The following ZHX3 variants were observed in gnomAD, a reference collection of about 807,000 sequenced individuals.
ZHX3 encodes zinc fingers and homeoboxes 3, also known as zinc fingers and homeoboxes protein 3.
In ZHX3, 20 loss-of-function variants were observed where a neutral mutation model predicts 64.5. The ratio of observed to expected loss-of-function variants is 0.31; its 90% CI spans 0.22 to 0.45. The LOEUF (loss-of-function observed/expected upper bound fraction) is 0.45. Ranked by LOEUF, ZHX3 falls within the 20% of genes least tolerant of loss-of-function variation. The pLI is 1.00. For missense variants in ZHX3, 1,041 were observed against 1,195.8 expected (o/e 0.87, Z 1.91); for synonymous variants, 423 against 461.6 (o/e 0.92, Z 1.07).
Position 41,185,006 on chromosome 20 carries a change from T to C in ZHX3, c.*185A>G. ...GAACCCCATCTTGCTTGCTGCTTGC[T>C]TGGTGGTGGGCAGGCCGAGGGTAGC... On this transcript the variant is annotated 3_prime_UTR_variant, in exon 4 of 4. Coordinates refer to ENST00000683867, the MANE Select transcript of ZHX3 (RefSeq NM_001384317.1). This position sits in a 1 kb window ranked among gnomAD's most constrained non-coding sequence, Gnocchi z 5.0. 6.4e-7 allele frequency: 1 copy of C among 1,551,286 alleles called. No individual in the cohort carries two copies. The highest frequency in any genetic ancestry group is 2.0e-5 in the Admixed American group (1 of 51,006).
Position 41,219,217 on chromosome 20 carries a change from C to T in ZHX3, c.-150-14151G>A, listed in dbSNP as rs1425678176. Among the ~76,000 whole-genome samples the T allele has an allele frequency of 6.6e-6, 1 of 152,168 alleles. No homozygotes were observed. Among genetic ancestry groups the T allele is most frequent in the East Asian group, 1.9e-4 (1 of 5,192 alleles). The stretch of plus-strand genomic sequence containing the variant: ...GTGCTGGGATTACAAGCGTCAGCCA[C>T]CGCACCTGGCCTTCCCCCTCAACTC... On this transcript the variant is annotated intron_variant, in intron 2 of 3. Coordinates refer to ENST00000683867, the MANE Select transcript of ZHX3 (RefSeq NM_001384317.1). This position sits in a 1 kb window ranked among gnomAD's most constrained non-coding sequence, Gnocchi z 5.0.
chr20:41,208,494 C>T lies in ZHX3; in HGVS notation c.-150-3428G>A, dbSNP rs373370262. 2.8e-3 allele frequency among the ~76,000 whole-genome samples: 432 copies of T among 152,274 alleles called. 2 individuals carry two copies. The highest frequency in any genetic ancestry group is 0.015 in the South Asian group (73 of 4,818). ...AGCACATCAAAAAGCTTATCTACCACGACCAAGTTGGCTTCATACCTGGGA... is the reference window on the plus strand; with the variant it reads ...AGCACATCAAAAAGCTTATCTACCATGACCAAGTTGGCTTCATACCTGGGA... On this transcript the variant is annotated intron_variant, in intron 2 of 3. Coordinates refer to ENST00000683867, the MANE Select transcript of ZHX3 (RefSeq NM_001384317.1).
chr20:41,252,800 A>G (rs1422846057), intron 2 of ZHX3, among the ~76,000 whole-genome samples: 1 of 152,202 alleles, frequency 6.6e-6, no homozygotes, highest in Non-Finnish European at 1.5e-5. Flanking sequence ...TAATTCTTTT[A>G]TAAAATGTTA....
intron 2 of ZHX3, among the ~76,000 whole-genome samples, chr20:41,247,363 G>A (rs151305132): frequency 4.3e-4 from 65 of 152,330 alleles, no homozygotes; most frequent in African/African-American, 1.4e-3. Flanking sequence ...ATGAACCTGG[G>A]TTCTAATCTG....
rs1252259143 is a variant in ZHX3, at chr20:41,234,035, C to A, written c.-150-28969G>T. 2.0e-5 allele frequency among the ~76,000 whole-genome samples: 3 copies of A among 152,182 alleles called. No individual in the cohort carries two copies. In the East Asian group the frequency reaches 5.8e-4, roughly 29 times the overall value. ...AACGCAGTACAGACTAGGCACTGAT[C>A]TGATGGAAGCGAGACAGGCTGGAGT... On this transcript the variant is annotated intron_variant, in intron 2 of 3. Transcript: ENST00000683867.
Position 41,201,969 on chromosome 20 carries a change from GC to G in ZHX3, c.2860+87del. On this transcript the variant is annotated intron_variant, in intron 3 of 3. Transcript: ENST00000683867. The surrounding 1 kb of genome is among the most constrained non-coding windows in gnomAD (Gnocchi z 5.0). ...CCAGGCAGCCTTAGAGACAGCAGAT[GC>G]CCCTGTGCAGTAAATTCAGTGCCCA... 6.9e-7 allele frequency: 1 copy of G among 1,442,934 alleles called. No individual in the cohort carries two copies. The highest frequency in any genetic ancestry group is 1.4e-5 in the African/African-American group (1 of 69,966). 89.4% of individuals were successfully genotyped at this position (1,442,934 alleles called of 1,614,324 possible). A position where few individuals can be genotyped will look rare whatever the true frequency, so the allele number is the denominator to read the frequency against.
chr20:41,296,232 TAAAAAA>T (rs57987896), intron 1 of ZHX3, among the ~76,000 whole-genome samples: 1,156 of 72,130 alleles, frequency 0.016, no homozygotes, highest in Non-Finnish European at 0.02. Flanking sequence ...GTTCATAAAG[TAAAAAA>T]AAAAAAAAAA....
intron 1 of ZHX3, among the ~76,000 whole-genome samples, chr20:41,292,946 T>C (rs571496863): frequency 6.6e-6 from 1 of 152,198 alleles, no homozygotes; most frequent in Non-Finnish European, 1.5e-5. Context: ...CAATTGAACA[T>C]ACACAGAGGT....
intron 2 of ZHX3, among the ~76,000 whole-genome samples, chr20:41,263,155 T>C (rs893082207): frequency 3.3e-5 from 5 of 152,096 alleles, no homozygotes; most frequent in Admixed American, 2.6e-4. Context: ...AATTCCCATA[T>C]AAGATATAGA....
At chr20:41,266,169 ATTAATT>A (rs753410933) in intron 2 of ZHX3, among the ~76,000 whole-genome samples, 24 of 152,210 alleles carry the variant, frequency 1.6e-4, no homozygotes, top group Non-Finnish European at 1.6e-4. Flanking sequence ...AAAGTGAAAG[ATTAATT>A]TTAAAAGACT....
At chr20:41,214,288 C>T (rs896380996) in intron 2 of ZHX3, among the ~76,000 whole-genome samples, 6 of 152,144 alleles carry the variant, frequency 3.9e-5, no homozygotes, top group African/African-American at 1.4e-4. Context: ...CCCCTCATTT[C>T]ACTCATAATA....
In ZHX3 at chr20:41,224,478, G is replaced by A. The variant is rs1311227977; in HGVS notation, c.-150-19412C>T. On this transcript the variant is annotated intron_variant, in intron 2 of 3. Transcript: ENST00000683867. The surrounding 1 kb of genome is among the most constrained non-coding windows in gnomAD (Gnocchi z 5.2). ...CTCACAAAATGTGGCAATTAGAACT[G>A]AACAAAGCATTCAAGATGTAGCCCA... 6.6e-6 allele frequency among the ~76,000 whole-genome samples: 1 copy of A among 152,152 alleles called. No homozygotes were observed. The highest frequency in any genetic ancestry group is 2.4e-5 in the African/African-American group (1 of 41,434).
chr20:41,305,051 T>C (rs539087801), intron 1 of ZHX3, among the ~76,000 whole-genome samples: 35 of 152,368 alleles, frequency 2.3e-4, no homozygotes, highest in South Asian at 1.7e-3. Context: ...CATTCAATAC[T>C]ATATTTGAAT....
intron 2 of ZHX3, among the ~76,000 whole-genome samples, chr20:41,209,286 T>C (rs2038973178): frequency 6.6e-6 from 1 of 152,268 alleles, no homozygotes; most frequent in Non-Finnish European, 1.5e-5. Context: ...ATAGATTCAA[T>C]GCCATCCCCA....
At chr20:41,230,868 T>C (rs2040562996) in intron 2 of ZHX3, among the ~76,000 whole-genome samples, 1 of 152,200 alleles carries the variant, frequency 6.6e-6, no homozygotes, top group Non-Finnish European at 1.5e-5. Flanking sequence ...CACTGACACA[T>C]CATTATCACC....
At chr20:41,300,323 A>C (rs1456172408) in intron 1 of ZHX3, among the ~76,000 whole-genome samples, 1 of 152,222 alleles carries the variant, frequency 6.6e-6, no homozygotes, top group Non-Finnish European at 1.5e-5. Context: ...AAATTGAGAC[A>C]CTGATTATTT....
chr20:41,224,276 G>A lies in ZHX3; in HGVS notation c.-150-19210C>T, dbSNP rs182077486. Among the ~76,000 whole-genome samples, 77 of 152,252 alleles carry A rather than the reference G, an allele frequency of 5.1e-4. 1 individual carries two copies. The highest frequency in any genetic ancestry group is 4.8e-3 in the East Asian group (25 of 5,192). ...AGTTGGACCTGGTTCCCAGCTTTTA[G>A]ATTTGTCTTTTGGACATAAATCAAC... On this transcript the variant is annotated intron_variant, in intron 2 of 3. Transcript: ENST00000683867. This position sits in a 1 kb window ranked among gnomAD's most constrained non-coding sequence, Gnocchi z 5.2.
chr20:41,273,189 G>A (rs1600590084), intron 1 of ZHX3, among the ~76,000 whole-genome samples: 1 of 152,190 alleles, frequency 6.6e-6, no homozygotes, highest in South Asian at 2.1e-4. Flanking sequence ...TTTACAAAAT[G>A]TCTATTCAAG....
chr20:41,231,158 T>C (rs966318173), intron 2 of ZHX3, among the ~76,000 whole-genome samples: 2 of 152,240 alleles, frequency 1.3e-5, no homozygotes, highest in African/African-American at 4.8e-5. Flanking sequence ...CACTTAGTAA[T>C]ATGCATTTAA....
Sources: allele counts gnomAD v4.1 joint callset (sites outside exome capture counted in the v4.1 genomes callset), GRCh38; gene constraint gnomAD v4.1.1; non-coding constraint Gnocchi (gnomAD v3.1); transcripts MANE v1.5; gene names NCBI Gene and HGNC (gene_info 2026-07-23, HGNC 2026-07-21).